The following CTNNA2 variants were observed in gnomAD, a reference collection of about 807,000 sequenced individuals.
CTNNA2 encodes the protein catenin alpha 2, also known as catenin alpha-2.
A neutral mutation model predicts 101.0 loss-of-function variants in CTNNA2; 42 were observed. That is an observed-to-expected ratio of 0.42 (90% CI 0.32 to 0.54). The LOEUF is 0.54. CTNNA2 is among the 20% of genes least tolerant of loss of function. CTNNA2 has a pLI of 0.14. For synonymous variants in CTNNA2, 450 were observed against 456.4 expected (o/e 0.99, Z 0.18); for missense variants, 871 against 1,223.1 (o/e 0.71, Z 4.29).
chr2:80,566,703 C>G (rs1035984898), intron 12 of CTNNA2, among the ~76,000 whole-genome samples: 1 of 152,116 alleles, frequency 6.6e-6, no homozygotes, highest in South Asian at 2.1e-4. Context: ...GGCCTAGATT[C>G]ATTCAAGGTG....
chr2:79,714,744 TG>T (rs1685962450), intron 2 of CTNNA2, among the ~76,000 whole-genome samples: 1 of 152,208 alleles, frequency 6.6e-6, no homozygotes, highest in African/African-American at 2.4e-5. Flanking sequence ...ATCTGAATTG[TG>T]ATAGATAAGA....
chr2:79,187,124 C>CA (rs550211397), intron 1 of CTNNA2, among the ~76,000 whole-genome samples: 395 of 152,008 alleles, frequency 2.6e-3, no homozygotes, highest in Admixed American at 6.5e-3. Flanking sequence ...TCAAGAGGAC[C>CA]AAGAAATATC....
At chr2:79,196,295 G>T (rs904371814) in intron 1 of CTNNA2, among the ~76,000 whole-genome samples, 1 of 152,116 alleles carries the variant, frequency 6.6e-6, no homozygotes. Context: ...TAACTGATAT[G>T]TTAGAATTAG....
chr2:80,641,852 G>T (rs1673528912), intron 18 of CTNNA2, among the ~76,000 whole-genome samples: 1 of 151,916 alleles, frequency 6.6e-6, no homozygotes. Flanking sequence ...TAAATTTATT[G>T]AACTTTTGTG....
chr2:80,558,464 A>ATGTGTG (rs869129917), intron 12 of CTNNA2, among the ~76,000 whole-genome samples: 2,857 of 146,176 alleles, frequency 0.02, 38 homozygotes, highest in South Asian at 0.055. Flanking sequence ...GTGTGTATAT[A>ATGTGTG]TGTGTGTGTG....
intron 7 of CTNNA2, among the ~76,000 whole-genome samples, chr2:80,223,350 C>T (rs1187678597): frequency 3.3e-5 from 5 of 152,240 alleles, no homozygotes; most frequent in African/African-American, 9.6e-5. Flanking sequence ...TCTCGGCTCA[C>T]AGCAACCTCT....
At chr2:80,276,443 A>G (rs1288555644) in intron 7 of CTNNA2, among the ~76,000 whole-genome samples, 2 of 152,154 alleles carry the variant, frequency 1.3e-5, no homozygotes, top group African/African-American at 4.8e-5. Context: ...GTCTTTGTCC[A>G]TTTGCGTTGC....
intron 1 of CTNNA2, among the ~76,000 whole-genome samples, chr2:79,580,390 ACT>A (rs1676078404): frequency 6.6e-6 from 1 of 151,758 alleles, no homozygotes; most frequent in Non-Finnish European, 1.5e-5. Context: ...AGCCGGAATG[ACT>A]CTTAGCTGAC....
In CTNNA2 at chr2:79,409,934, C is replaced by T. The variant is rs540223969; in HGVS notation, c.-135+35921C>T. 2.6e-5 allele frequency among the ~76,000 whole-genome samples: 4 copies of T among 151,888 alleles called. No homozygotes were observed. In the East Asian group the frequency reaches 5.8e-4, roughly 22 times the overall value. On this transcript the variant is annotated intron_variant, in intron 4 of 21. Coordinates refer to the CTNNA2 transcript ENST00000466387. ...AATATTGATTCTTCCTACCCATGAG[C>T]ATGGAATGTTCTTCCATGTCTTTGT...
intron 18 of CTNNA2, among the ~76,000 whole-genome samples, chr2:80,633,692 G>C (rs999586179): frequency 6.6e-6 from 1 of 152,100 alleles, no homozygotes; most frequent in Non-Finnish European, 1.5e-5. Context: ...CTCTATTTCG[G>C]TTTTCTCATA....
chr2:79,352,661 C>A (rs894393512), intron 3 of CTNNA2, among the ~76,000 whole-genome samples: 1 of 151,928 alleles, frequency 6.6e-6, no homozygotes, highest in Non-Finnish European at 1.5e-5. Context: ...CATTGTAGTT[C>A]CTATAGGTGT....
chr2:79,541,398 A>G (rs1256923212), intron 1 of CTNNA2, among the ~76,000 whole-genome samples: 1 of 134,200 alleles, frequency 7.5e-6, no homozygotes, highest in Admixed American at 8.1e-5. Flanking sequence ...ACTTGTATAC[A>G]TATATACACA....
At chr2:79,747,882 C>T (rs996164531) in intron 3 of CTNNA2, among the ~76,000 whole-genome samples, 5 of 152,198 alleles carry the variant, frequency 3.3e-5, no homozygotes, top group Admixed American at 2.6e-4. Flanking sequence ...TCAAATGCCA[C>T]GTGCTCCTTC....
rs11267995 is a variant in CTNNA2, at chr2:79,384,376, T to TTC, written c.-135+10420_-135+10421dup. Among the ~76,000 whole-genome samples, 343 of 104,500 alleles carry TTC rather than the reference T, an allele frequency of 3.3e-3. 4 individuals are homozygous for TTC. The highest frequency in any genetic ancestry group is 5.9e-3 in the African/African-American group (147 of 24,814). The allele number at this position is 104,500 out of a possible 152,430, so 68.6% of individuals were successfully genotyped here. On this transcript the variant is annotated intron_variant, in intron 4 of 21. Transcript: ENST00000466387. ...CCCTGGTAATTTGAATGCATATTTC[T>TTC]TCTCTCTCTCTCTCTCTCTCTCTCT...
chr2:80,302,010 G>T lies in CTNNA2; in HGVS notation c.1057-91201G>T. 1 of 437,834 alleles carries T rather than the reference G, an allele frequency of 2.3e-6. No individual in the cohort carries two copies. Among genetic ancestry groups the T allele is most frequent in the Admixed American group, 4.0e-5 (1 of 25,130 alleles). 27.1% of individuals were successfully genotyped at this position (437,834 alleles called of 1,614,324 possible). ...CAAAGGGAGGAAGGAGTTCTCATAT[G>T]AAATTTAAGATAGACTGTCCTGAAG... is the stretch of plus-strand genomic sequence containing the variant. On this transcript the variant is annotated intron_variant, in intron 7 of 18. Coordinates refer to ENST00000402739, the MANE Select transcript of CTNNA2 (RefSeq NM_001282597.3). This position sits in a 1 kb window ranked among gnomAD's most constrained non-coding sequence, Gnocchi z 6.4.
At chr2:79,543,164 T>C (rs1276593602) in intron 1 of CTNNA2, among the ~76,000 whole-genome samples, 2 of 152,138 alleles carry the variant, frequency 1.3e-5, no homozygotes, top group African/African-American at 2.4e-5. Flanking sequence ...ATCTTTGATA[T>C]ATACTTTTAC....
chr2:80,644,141 G>C (rs2862293), intron 18 of CTNNA2, among the ~76,000 whole-genome samples: 88,512 of 151,906 alleles, frequency 0.58, 26,065 homozygotes, highest in East Asian at 0.69. Flanking sequence ...AGAGATAGTA[G>C]TGGTCCTAAT....
intron 1 of CTNNA2, among the ~76,000 whole-genome samples, chr2:79,529,237 T>A (rs1053482791): frequency 6.6e-6 from 1 of 152,118 alleles, no homozygotes; most frequent in Non-Finnish European, 1.5e-5. Flanking sequence ...ACAACAGGAC[T>A]GATTATACAG....
In CTNNA2 at chr2:80,555,676, A is replaced by G; in HGVS notation, c.1541-17A>G. On this transcript the variant is annotated splice_polypyrimidine_tract_variant and intron_variant, in intron 11 of 18. Coordinates refer to ENST00000402739, the MANE Select transcript of CTNNA2 (RefSeq NM_001282597.3). ...GTTATGTAAAGTCATCTAAATGTGT[A>G]TGTGTCCTCTCCATAGAAAATCACA... is the stretch of plus-strand genomic sequence containing the variant. The G allele has an allele frequency of 1.4e-6, 2 of 1,437,534 alleles. No individual in the cohort carries two copies. Among genetic ancestry groups the G allele is most frequent in the Non-Finnish European group, 1.9e-6 (2 of 1,073,584 alleles). The allele number at this position is 1,437,534 out of a possible 1,614,324, so 89.0% of individuals were successfully genotyped here.
Sources: gnomAD v4.1 joint callset for allele counts (sites outside exome capture counted in the v4.1 genomes callset) on GRCh38, gnomAD v4.1.1 for gene constraint, Gnocchi (gnomAD v3.1) non-coding constraint, MANE v1.5 for transcripts, NCBI Gene and HGNC (gene_info 2026-07-23, HGNC 2026-07-21) for gene names.